Variants in COBLL1 observed in about 807,000 individuals in gnomAD.
The protein encoded by COBLL1 is cordon-bleu WH2 repeat protein like 1, also known as cordon-bleu protein-like 1.
A neutral mutation model predicts 94.8 loss-of-function variants in COBLL1; 50 were observed. The observed-to-expected ratio is 0.53, with a 90% CI of 0.42 to 0.67. COBLL1 has a LOEUF of 0.67. Among genes scored for constraint, COBLL1 ranks in the 30% least tolerant of loss-of-function variants. COBLL1 has a pLI of 0.00. For synonymous variants in COBLL1, 448 were observed against 473.8 expected (o/e 0.95, Z 0.71); for missense variants, 1,362 against 1,348.7 (o/e 1.01, Z -0.15).
intron 1 of COBLL1, among the ~76,000 whole-genome samples, chr2:164,673,699 T>G (rs968165026): frequency 6.6e-6 from 1 of 151,990 alleles, no homozygotes; most frequent in African/African-American, 2.4e-5. Flanking sequence ...AATAAATAAA[T>G]AAACTCAGTG....
At chr2:164,765,565 C>T (rs1043481350) in intron 2 of COBLL1, among the ~76,000 whole-genome samples, 9 of 151,734 alleles carry the variant, frequency 5.9e-5, no homozygotes, top group African/African-American at 1.2e-4. Flanking sequence ...TTTCTTGAGA[C>T]GAATAAAAGG....
rs577914888 is a variant in COBLL1, at chr2:164,821,805, C to T, written c.41+19351G>A. 2.0e-5 allele frequency among the ~76,000 whole-genome samples: 3 copies of T among 152,278 alleles called. No individual in the cohort carries two copies. The South Asian group carries it at 6.2e-4, about 32-fold the overall frequency. ...AAACCTGCTTTCCGAGAATCATATTCCATGAATTCATGAGTTACAAAACTA... is the reference window on the plus strand; with the variant it reads ...AAACCTGCTTTCCGAGAATCATATTTCATGAATTCATGAGTTACAAAACTA... On this transcript the variant is annotated intron_variant, in intron 2 of 13. Transcript: ENST00000652658.
chr2:164,802,742 T>C (rs1683875523), intron 2 of COBLL1, among the ~76,000 whole-genome samples: 1 of 152,212 alleles, frequency 6.6e-6, no homozygotes, highest in Non-Finnish European at 1.5e-5. Context: ...TTTTGATACA[T>C]AACTATTTTT....
At chr2:164,771,295 A>T (rs1054574575) in intron 2 of COBLL1, among the ~76,000 whole-genome samples, 1 of 152,050 alleles carries the variant, frequency 6.6e-6, no homozygotes, top group Non-Finnish European at 1.5e-5. Flanking sequence ...AGTAATTTTA[A>T]ACAAAACAAA....
At chr2:164,837,533 C>A in intron 2 of COBLL1, 1 of 440,430 alleles carries the variant, frequency 2.3e-6, no homozygotes, top group Non-Finnish European at 4.6e-6. Context: ...CCTAGGATTT[C>A]CACTTCATAG....
At chr2:164,835,342 CA>C (rs1683270048) in intron 2 of COBLL1, among the ~76,000 whole-genome samples, 1 of 151,996 alleles carries the variant, frequency 6.6e-6, no homozygotes, top group African/African-American at 2.4e-5. Context: ...CTATAAAAAG[CA>C]ATAAAGTACT....
rs912545117 is a variant in COBLL1 at position 164,841,355 on chromosome 2, G to T, written c.-50-109C>A. ...GCCCGAGCCGCTCCAGCCCCGGCCG[G>T]CCCGCCTCCCGGGTGCGCTTCCACC... On this transcript the variant is annotated intron_variant, in intron 1 of 13. Transcript: ENST00000652658. This position sits in a 1 kb window ranked among gnomAD's most constrained non-coding sequence, Gnocchi z 5.5. The T allele has an allele frequency of 3.4e-6, 4 of 1,192,918 alleles. No individual in the cohort carries two copies. The East Asian group carries it at 1.4e-4, about 43-fold the overall frequency. 73.9% of individuals were successfully genotyped at this position (1,192,918 alleles called of 1,614,324 possible).
At chr2:164,721,427 A>G (rs1427987966) in intron 7 of COBLL1, among the ~76,000 whole-genome samples, 4 of 152,224 alleles carry the variant, frequency 2.6e-5, no homozygotes, top group Non-Finnish European at 2.9e-5. Context: ...ATGGATCTCC[A>G]CAAAATGGCA....
chr2:164,795,029 T>G (rs780445586), intron 2 of COBLL1, among the ~76,000 whole-genome samples: 1 of 152,206 alleles, frequency 6.6e-6, no homozygotes, highest in Non-Finnish European at 1.5e-5. Context: ...TGACCATTCT[T>G]CACTAAGCCC....
intron 2 of COBLL1, among the ~76,000 whole-genome samples, chr2:164,814,401 T>G (rs1240271098): frequency 1.3e-5 from 2 of 152,194 alleles, no homozygotes; most frequent in East Asian, 1.9e-4. Context: ...CTTTACTTTC[T>G]GCTAGGTGAT....
At chr2:164,690,938 A>C (rs1316674675) in intron 13 of COBLL1, among the ~76,000 whole-genome samples, 1 of 152,172 alleles carries the variant, frequency 6.6e-6, no homozygotes, top group Non-Finnish European at 1.5e-5. Flanking sequence ...TCCTCCTCTA[A>C]AAATATAAAT....
chr2:164,731,655 T>C (rs1558962471), intron 3 of COBLL1, among the ~76,000 whole-genome samples: 1 of 152,170 alleles, frequency 6.6e-6, no homozygotes, highest in Admixed American at 6.5e-5. Flanking sequence ...GGGATTCACT[T>C]TAGGGTAATC....
chr2:164,718,135 A>G, intron 7 of COBLL1: 1 of 431,904 alleles, frequency 2.3e-6, no homozygotes, highest in Admixed American at 6.4e-5. Flanking sequence ...ACACATTCTC[A>G]TTGTATATAC....
intron 2 of COBLL1, among the ~76,000 whole-genome samples, chr2:164,755,313 T>A (rs1408403731): frequency 2.0e-5 from 3 of 152,242 alleles, no homozygotes; most frequent in African/African-American, 7.2e-5. Context: ...TGTGCATAGT[T>A]TCCAAAGTAC....
At chr2:164,696,062 C>T in intron 11 of COBLL1, 2 of 439,858 alleles carry the variant, frequency 4.5e-6, no homozygotes, top group South Asian at 7.9e-5. Flanking sequence ...GTGGCCACAA[C>T]ATGTTAATTA....
chr2:164,713,297 G>A (rs1422729864), intron 7 of COBLL1, among the ~76,000 whole-genome samples: 1 of 152,124 alleles, frequency 6.6e-6, no homozygotes, highest in Non-Finnish European at 1.5e-5. Flanking sequence ...AATAGAGGTG[G>A]CATGTCAGAT....
Position 164,805,681 on chromosome 2 carries a change from G to A in COBLL1, c.41+35475C>T, listed in dbSNP as rs534485611. 1.3e-4 allele frequency among the ~76,000 whole-genome samples: 20 copies of A among 151,868 alleles called. No homozygotes were observed. In the South Asian group the frequency reaches 2.1e-3, roughly 16 times the overall value. ...GCTTGATAGTTCATTTTCTTTTATC[G>A]TGAATATTTCATTGTATGGGTATAC... On this transcript the variant is annotated intron_variant, in intron 2 of 13. Coordinates refer to ENST00000652658, the MANE Select transcript of COBLL1 (RefSeq NM_001365672.2).
chr2:164,773,691 CA>C, intron 2 of COBLL1: 1 of 1,095,626 alleles, frequency 9.1e-7, no homozygotes, highest in Non-Finnish European at 1.2e-6. Flanking sequence ...AAGTTTTACA[CA>C]ACGTATTTAC....
chr2:164,737,077 C>T (rs1686346609), intron 3 of COBLL1, among the ~76,000 whole-genome samples: 1 of 152,176 alleles, frequency 6.6e-6, no homozygotes, highest in African/African-American at 2.4e-5. Context: ...GCAGGACAAT[C>T]ACTTGAGCCC....
Sources: gnomAD v4.1 joint callset for allele counts (sites outside exome capture counted in the v4.1 genomes callset) on GRCh38, gnomAD v4.1.1 for gene constraint, Gnocchi (gnomAD v3.1) non-coding constraint, MANE v1.5 for transcripts, NCBI Gene and HGNC (gene_info 2026-07-23, HGNC 2026-07-21) for gene names.